Variants in GREB1L observed in about 807,000 individuals in gnomAD.
GREB1L encodes the protein GREB1 like retinoic acid receptor coactivator, also known as GREB1-like protein.
GREB1L carries 17 observed loss-of-function variants against 200.8 expected under a neutral mutation model. The observed-to-expected ratio is 0.08, with a 90% CI of 0.06 to 0.13. The LOEUF (loss-of-function observed/expected upper bound fraction) is 0.13, where lower values mean the gene tolerates loss of function less well. GREB1L is among the 10% of genes least tolerant of loss of function. The pLI, the probability that GREB1L is intolerant of heterozygous loss-of-function variation, is 1.00. For missense variants in GREB1L, 1,657 were observed against 2,367.7 expected (o/e 0.70, Z 6.23); for synonymous variants, 789 against 893.0 (o/e 0.88, Z 2.08).
chr18:21,508,276 C>A lies in GREB1L; in HGVS notation c.4527C>A (p.Asp1509Glu). The change falls in exon 26 of 33, where the codon GAC (aspartate) becomes GAA (glutamate). Residue 1509 changes from aspartate (D) to glutamate (E), a missense_variant. Transcript: ENST00000424526. ...GCATGCGGCTGCCCCTGGTTTCAGA[C>A]AAGGTGGGTGAGAGCATCTGGACTG... is the stretch of plus-strand genomic sequence containing the variant. ...LESMRLPLVS[D>E]KNLNAVKSPI... is the part of the protein sequence containing the mutation. 3 of 1,551,664 alleles carry A rather than the reference C, an allele frequency of 1.9e-6. No homozygotes were observed. The highest frequency in any genetic ancestry group is 1.2e-5 in the South Asian group (1 of 84,056).
chr18:21,438,347 TAA>T (rs941535403), intron 7 of GREB1L, among the ~76,000 whole-genome samples: 5 of 152,140 alleles, frequency 3.3e-5, no homozygotes, highest in African/African-American at 7.2e-5. Flanking sequence ...CAGTTATTTT[TAA>T]AAGAGTCTTT....
In GREB1L at chr18:21,496,643, G is replaced by C. The variant is rs2036557106; in HGVS notation, c.3336G>C (p.Leu1112=). Residue 1112 remains leucine (L), a synonymous_variant, in exon 21 of 33, where the codon CTG becomes CTC. Coordinates refer to ENST00000424526, the MANE Select transcript of GREB1L (RefSeq NM_001142966.3). ...AAVSENDSDE[L]LIDLERPQSN... ...TCAGTGAGAATGACTCCGATGAGCT[G>C]CTCATCGACCTGGAGCGGCCCCAGA... 1 of 1,551,546 alleles carries C rather than the reference G, an allele frequency of 6.4e-7. No homozygotes were observed. Among genetic ancestry groups the C allele is most frequent in the Admixed American group, 2.0e-5 (1 of 50,992 alleles).
At chr18:21,269,107 A>G (rs1225968350) in intron 1 of GREB1L, among the ~76,000 whole-genome samples, 1 of 152,208 alleles carries the variant, frequency 6.6e-6, no homozygotes, top group Non-Finnish European at 1.5e-5. Context: ...TAATACGTGT[A>G]CTGTAATGCC....
intron 1 of GREB1L, among the ~76,000 whole-genome samples, chr18:21,344,485 G>A (rs1425587234): frequency 2.6e-5 from 4 of 152,204 alleles, no homozygotes; most frequent in Non-Finnish European, 5.9e-5. Flanking sequence ...GCAACTGACA[G>A]TGTAAAGTCA....
intron 1 of GREB1L, among the ~76,000 whole-genome samples, chr18:21,274,604 A>G (rs2038131634): frequency 2.0e-5 from 3 of 152,080 alleles, no homozygotes; most frequent in Non-Finnish European, 2.9e-5. Context: ...TTTTCAATTA[A>G]AAATACCGGC....
chr18:21,419,980 G>T (rs1188306796), intron 7 of GREB1L, among the ~76,000 whole-genome samples: 1 of 152,126 alleles, frequency 6.6e-6, no homozygotes, highest in Admixed American at 6.5e-5. Context: ...CTTAGGTAAT[G>T]GTTTTTTGGA....
chr18:21,248,646 A>G (rs2037647027), intron 1 of GREB1L, among the ~76,000 whole-genome samples: 1 of 152,258 alleles, frequency 6.6e-6, no homozygotes, highest in African/African-American at 2.4e-5. Context: ...ACTGATGGCA[A>G]ATGATTACAA....
intron 7 of GREB1L, among the ~76,000 whole-genome samples, chr18:21,431,617 C>A (rs1315546438): frequency 6.6e-6 from 1 of 152,102 alleles, no homozygotes; most frequent in Non-Finnish European, 1.5e-5. Context: ...ATTCTACTGA[C>A]GTCTTAGGCT....
chr18:21,245,039 T>C (rs1417900095), intron 1 of GREB1L, among the ~76,000 whole-genome samples: 1 of 152,218 alleles, frequency 6.6e-6, no homozygotes, highest in African/African-American at 2.4e-5. Context: ...GAGTATGTTC[T>C]TATTAGGAAA....
In GREB1L at chr18:21,386,672, T is replaced by C. The variant is rs547835310; in HGVS notation, c.355+2269T>C. Among the ~76,000 whole-genome samples, 6 of 149,846 alleles carry C rather than the reference T, an allele frequency of 4.0e-5. No individual in the cohort carries two copies. The South Asian group carries it at 1.3e-3, about 32-fold the overall frequency. On this transcript the variant is annotated intron_variant, in intron 4 of 32. Coordinates refer to ENST00000424526, the MANE Select transcript of GREB1L (RefSeq NM_001142966.3). ...GCGCCCGCTAACATGCCTGGCTTCT[T>C]TTTTATGTATTTTTAGTAGAGACAG...
intron 31 of GREB1L, among the ~76,000 whole-genome samples, chr18:21,518,777 C>G (rs2037512827): frequency 6.6e-6 from 1 of 152,200 alleles, no homozygotes; most frequent in Non-Finnish European, 1.5e-5. Flanking sequence ...GGACTTCTTT[C>G]TAAAATTTTT....
chr18:21,287,075 CT>C (rs1454337719), intron 1 of GREB1L, among the ~76,000 whole-genome samples: 27 of 152,244 alleles, frequency 1.8e-4, no homozygotes, highest in African/African-American at 6.5e-4. Flanking sequence ...ACCTAGCCTG[CT>C]TTGAGTCCTG....
At chr18:21,372,386 T>A (rs1470765233) in intron 2 of GREB1L, among the ~76,000 whole-genome samples, 2 of 151,864 alleles carry the variant, frequency 1.3e-5, no homozygotes, top group Admixed American at 1.3e-4. Flanking sequence ...GACCTTGTGA[T>A]CCACCTGCCT....
chr18:21,371,178 C>G (rs990664938), intron 2 of GREB1L, among the ~76,000 whole-genome samples: 37 of 152,110 alleles, frequency 2.4e-4, no homozygotes, highest in African/African-American at 8.7e-4. Context: ...CCACATGTGG[C>G]TAGTGGCTAC....
chr18:21,256,003 T>A (rs2037793598), intron 1 of GREB1L, among the ~76,000 whole-genome samples: 1 of 152,082 alleles, frequency 6.6e-6, no homozygotes, highest in African/African-American at 2.4e-5. Context: ...ATTTCTGTAA[T>A]TTTTTTTCTT....
intron 1 of GREB1L, among the ~76,000 whole-genome samples, chr18:21,273,326 T>A (rs1436325274): frequency 6.6e-6 from 1 of 152,226 alleles, no homozygotes; most frequent in Admixed American, 6.5e-5. Flanking sequence ...TTTTGTCACA[T>A]CTAGTTCTAT....
intron 19 of GREB1L, among the ~76,000 whole-genome samples, chr18:21,491,220 C>T (rs759738296): frequency 2.6e-5 from 4 of 152,098 alleles, no homozygotes; most frequent in Non-Finnish European, 5.9e-5. Context: ...CTTGTTTCTG[C>T]GCCCTATACA....
chr18:21,335,666 CTT>C (rs746907148), intron 1 of GREB1L, among the ~76,000 whole-genome samples: 14 of 139,274 alleles, frequency 1.0e-4, no homozygotes, highest in Non-Finnish European at 1.1e-4. Flanking sequence ...TTCTTTTTTT[CTT>C]TTTTTTTTTT....
intron 17 of GREB1L, among the ~76,000 whole-genome samples, chr18:21,478,735 G>A (rs1180510865): frequency 6.6e-6 from 1 of 152,188 alleles, no homozygotes; most frequent in African/African-American, 2.4e-5. Flanking sequence ...TCATTGGGCA[G>A]TTGAGGTAGG....
Sources: allele counts gnomAD v4.1 joint callset (sites outside exome capture counted in the v4.1 genomes callset), GRCh38; gene constraint gnomAD v4.1.1; transcripts MANE v1.5; gene names NCBI Gene and HGNC (gene_info 2026-07-23, HGNC 2026-07-21).